The following RYR2 variants were observed in gnomAD, a reference collection of about 807,000 sequenced individuals.
RYR2 encodes cardiac muscle ryanodine receptor-calcium release channel.
RYR2 carries 227 observed loss-of-function variants against 601.1 expected under a neutral mutation model. The observed-to-expected ratio is 0.38, with a 90% CI of 0.34 to 0.42. The LOEUF is 0.42. RYR2 is among the 10% of genes least tolerant of loss of function. The pLI is 1.00. For synonymous variants in RYR2, 2,223 were observed against 2,175.1 expected, an observed-to-expected ratio of 1.02 and a Z score of -0.61; for missense variants, 4,646 against 6,156.5, an observed-to-expected ratio of 0.75 and a Z score of 8.21.
At chr1:237,652,648 C>G (rs1225609015) in intron 51 of RYR2, among the ~76,000 whole-genome samples, 1 of 151,992 alleles carries the variant, frequency 6.6e-6, no homozygotes, top group Non-Finnish European at 1.5e-5. Context: ...TAAATTATAT[C>G]CTTGATAAAA....
At chr1:237,694,086 G>A (rs1687191192) in intron 63 of RYR2, among the ~76,000 whole-genome samples, 1 of 151,858 alleles carries the variant, frequency 6.6e-6, no homozygotes, top group African/African-American at 2.4e-5. Context: ...CAAGGTCAGG[G>A]GATCGAGACC....
At chr1:237,677,093 G>T (rs370900728) in intron 60 of RYR2, among the ~76,000 whole-genome samples, 1 of 152,022 alleles carries the variant, frequency 6.6e-6, no homozygotes, top group South Asian at 2.1e-4. Context: ...AATTGCATAA[G>T]TTTCCTATAA....
intron 5 of RYR2, 30 bp from the exon 6 acceptor site, chr1:237,369,504 T>C (rs1700471937): frequency 1.3e-6 from 2 of 1,539,650 alleles, no homozygotes; most frequent in Admixed American, 3.9e-5. Flanking sequence ...TTTTTCTCTC[T>C]TGTTCTCCTT....
rs1484072862 is a variant in RYR2, at chr1:237,833,225, TC to T, written c.*580del. 6.6e-5 allele frequency: 10 copies of T among 150,874 alleles called. No homozygotes were observed. In the East Asian group the frequency reaches 1.9e-3, roughly 29 times the overall value. 9.3% of individuals were successfully genotyped at this position (150,874 alleles called of 1,614,324 possible). On this transcript the variant is annotated 3_prime_UTR_variant, in exon 105 of 105. Transcript: ENST00000366574. ...TTGATTTTGTGAGGTTTTTTTTTTT[TC>T]CTTTAGTCTTTTCTTTAGTGGGGGA...
chr1:237,423,819 C>T (rs548194616), intron 12 of RYR2, among the ~76,000 whole-genome samples: 56 of 152,238 alleles, frequency 3.7e-4, no homozygotes, highest in African/African-American at 1.3e-3. Flanking sequence ...TTGCTATATT[C>T]GTCCATTTTC....
intron 17 of RYR2, among the ~76,000 whole-genome samples, chr1:237,473,717 A>G (rs964752421): frequency 6.6e-6 from 1 of 152,016 alleles, no homozygotes; most frequent in South Asian, 2.1e-4. Flanking sequence ...TCCTTTCCTC[A>G]GTGCCCCCTG....
At chr1:237,616,170 G>A (rs1226107150) in intron 37 of RYR2, among the ~76,000 whole-genome samples, 1 of 152,208 alleles carries the variant, frequency 6.6e-6, no homozygotes, top group Non-Finnish European at 1.5e-5. Context: ...GACTACTTCA[G>A]AGACAGCACT....
chr1:237,294,048 AACAAAAAAGGATATTTTT>A lies in RYR2; in HGVS notation c.168+23435_168+23452del, dbSNP rs1375518795. ...AGCCTACCAAGAGTCACCTCTTTCG[AACAAAAAAGGATATTTTT>A]ACCTAGGAAATTTTAAGGGATTTTA... On this transcript the variant is annotated intron_variant, in intron 2 of 104. Coordinates refer to ENST00000366574, the MANE Select transcript of RYR2 (RefSeq NM_001035.3). Among the ~76,000 whole-genome samples, 12 of 152,172 alleles carry A rather than the reference AACAAAAAAGGATATTTTT, an allele frequency of 7.9e-5. No individual in the cohort carries two copies. The Middle Eastern group carries it at 9.5e-3, about 120-fold the overall frequency.
intron 16 of RYR2, among the ~76,000 whole-genome samples, chr1:237,457,894 G>A (rs115538152): frequency 6.6e-6 from 1 of 152,072 alleles, no homozygotes; most frequent in African/African-American, 2.4e-5. Context: ...TTTAGACATT[G>A]TTCACATTTC....
intron 79 of RYR2, among the ~76,000 whole-genome samples, chr1:237,735,598 C>T (rs574693800): frequency 6.6e-5 from 10 of 152,212 alleles, no homozygotes; most frequent in African/African-American, 2.4e-4. Flanking sequence ...AATACATTTA[C>T]CCGGTACAGT....
chr1:237,119,186 C>T (rs1350665728), intron 1 of RYR2, among the ~76,000 whole-genome samples: 1 of 151,140 alleles, frequency 6.6e-6, no homozygotes, highest in East Asian at 1.9e-4. Flanking sequence ...GAAGAGACAC[C>T]GGGAGGGTGT....
intron 6 of RYR2, among the ~76,000 whole-genome samples, chr1:237,369,864 G>A (rs1304213475): frequency 6.6e-6 from 1 of 152,154 alleles, no homozygotes; most frequent in African/African-American, 2.4e-5. Context: ...GTAGTTTTAG[G>A]AGGAGAGAGG....
In RYR2 at chr1:237,791,580, T is replaced by G. The variant is rs1362085528; in HGVS notation, c.13563+65T>G. ...CCAAATAGAAATGAATGTAAAGATT[T>G]CACGATGAACGTATCTACTACTGCT... On this transcript the variant is annotated intron_variant, in intron 93 of 104. Transcript: ENST00000366574. The G allele has an allele frequency of 3.5e-6, 3 of 861,790 alleles. No homozygotes were observed. In the South Asian group the frequency reaches 4.4e-5, roughly 13 times the overall value. The allele number at this position is 861,790 out of a possible 1,614,324, so 53.4% of individuals were successfully genotyped here. A position where few individuals can be genotyped will look rare whatever the true frequency, so the allele number is the denominator to read the frequency against.
chr1:237,496,138 C>T (rs1572593715), intron 19 of RYR2, among the ~76,000 whole-genome samples: 1 of 152,166 alleles, frequency 6.6e-6, no homozygotes, highest in African/African-American at 2.4e-5. Context: ...GGCACGGTGG[C>T]TCATGCCTGT....
At chr1:237,675,334 C>T (rs911583147) in intron 60 of RYR2, among the ~76,000 whole-genome samples, 7 of 152,138 alleles carry the variant, frequency 4.6e-5, no homozygotes, top group African/African-American at 1.7e-4. Context: ...GACCTCTTCC[C>T]CGTCTGGCCC....
intron 10 of RYR2, among the ~76,000 whole-genome samples, chr1:237,402,937 T>G (rs975824514): frequency 1.4e-5 from 2 of 145,208 alleles, no homozygotes; most frequent in Non-Finnish European, 3.1e-5. Flanking sequence ...CAAAAAAGAT[T>G]GGGAAATATA....
intron 25 of RYR2, among the ~76,000 whole-genome samples, chr1:237,546,997 T>TATATATA (rs58050661): frequency 0.013 from 1,050 of 82,646 alleles, 12 homozygotes; most frequent in Admixed American, 0.021. Context: ...ATATATATAT[T>TATATATA]TATTTATTTA....
At chr1:237,089,190 G>T (rs1408748546) in intron 1 of RYR2, among the ~76,000 whole-genome samples, 1 of 152,070 alleles carries the variant, frequency 6.6e-6, no homozygotes, top group African/African-American at 2.4e-5. Flanking sequence ...TCAGTGTGGG[G>T]GTAACTGTAT....
chr1:237,331,603 T>C (rs919102558), intron 3 of RYR2, among the ~76,000 whole-genome samples: 28 of 151,740 alleles, frequency 1.8e-4, no homozygotes, highest in East Asian at 3.9e-4. Context: ...CCCGGGTTCA[T>C]GCCATTCTCC....
Sources: allele counts gnomAD v4.1 joint callset (sites outside exome capture counted in the v4.1 genomes callset), GRCh38; gene constraint gnomAD v4.1.1; transcripts MANE v1.5; gene names NCBI Gene and HGNC (gene_info 2026-07-23, HGNC 2026-07-21).